The following HS3ST4 variants were observed in gnomAD, a reference collection of about 807,000 sequenced individuals.
HS3ST4 encodes heparan sulfate glucosamine 3-O-sulfotransferase 4.
HS3ST4 carries 17 observed loss-of-function variants against 29.2 expected under a neutral mutation model. The ratio of observed to expected loss-of-function variants is 0.58; its 90% CI spans 0.40 to 0.87. HS3ST4 has a LOEUF of 0.87. HS3ST4 is among the 40% of genes least tolerant of loss of function. HS3ST4 has a pLI of 0.00. For synonymous variants in HS3ST4, 314 were observed against 285.7 expected (o/e 1.10, Z -1.00); for missense variants, 627 against 634.5 (o/e 0.99, Z 0.13).
At chr16:26,021,810 C>G (rs748883424) in intron 1 of HS3ST4, among the ~76,000 whole-genome samples, 1 of 152,002 alleles carries the variant, frequency 6.6e-6, no homozygotes, top group Non-Finnish European at 1.5e-5. Flanking sequence ...ATTGCAGGCA[C>G]GTGCTGCCAC....
chr16:26,092,799 G>A (rs151243495), intron 1 of HS3ST4, among the ~76,000 whole-genome samples: 101 of 152,294 alleles, frequency 6.6e-4, no homozygotes, highest in African/African-American at 2.3e-3. Context: ...TGCCTCACCC[G>A]GGAAGTGCAA....
intron 1 of HS3ST4, among the ~76,000 whole-genome samples, chr16:25,961,544 T>G (rs1160637796): frequency 6.6e-6 from 1 of 152,190 alleles, no homozygotes; most frequent in Non-Finnish European, 1.5e-5. Context: ...ATGAACATAA[T>G]GTGTTTTCTG....
chr16:25,697,331 T>G (rs1457664583), intron 1 of HS3ST4, among the ~76,000 whole-genome samples: 1 of 152,214 alleles, frequency 6.6e-6, no homozygotes, highest in East Asian at 1.9e-4. Flanking sequence ...GGCCCAGAGC[T>G]GTTTTGTCTA....
At chr16:25,777,113 G>A (rs1966848195) in intron 1 of HS3ST4, among the ~76,000 whole-genome samples, 1 of 152,142 alleles carries the variant, frequency 6.6e-6, no homozygotes, top group African/African-American at 2.4e-5. Flanking sequence ...TGTCCACAAT[G>A]CTCCCCTGAA....
chr16:25,782,363 T>C (rs745781664), intron 1 of HS3ST4, among the ~76,000 whole-genome samples: 34 of 152,216 alleles, frequency 2.2e-4, no homozygotes, highest in Non-Finnish European at 3.7e-4. Flanking sequence ...AGTGTTGGTT[T>C]GTTTGACTTC....
At chr16:25,839,047 G>A (rs1967388817) in intron 1 of HS3ST4, among the ~76,000 whole-genome samples, 1 of 152,168 alleles carries the variant, frequency 6.6e-6, no homozygotes, top group South Asian at 2.1e-4. Flanking sequence ...GCCACCTAAA[G>A]ACTGGCTACA....
At chr16:25,710,710 ATTT>A (rs971049756) in intron 1 of HS3ST4, among the ~76,000 whole-genome samples, 9 of 149,180 alleles carry the variant, frequency 6.0e-5, no homozygotes, top group Non-Finnish European at 1.3e-4. Flanking sequence ...TCAGAAACTT[ATTT>A]TATTTCAGAA....
At chr16:25,705,339 C>A (rs1966368257) in intron 1 of HS3ST4, among the ~76,000 whole-genome samples, 1 of 152,100 alleles carries the variant, frequency 6.6e-6, no homozygotes, top group African/African-American at 2.4e-5. Flanking sequence ...TGTCATAGGA[C>A]AGTTTGATTG....
intron 1 of HS3ST4, among the ~76,000 whole-genome samples, chr16:26,108,918 T>C (rs1411836126): frequency 6.6e-6 from 1 of 152,118 alleles, no homozygotes; most frequent in Non-Finnish European, 1.5e-5. Context: ...TGGAGCCTAA[T>C]GGGTCCTGGC....
chr16:25,905,372 G>A (rs893993649), intron 1 of HS3ST4, among the ~76,000 whole-genome samples: 1 of 152,156 alleles, frequency 6.6e-6, no homozygotes, highest in Non-Finnish European at 1.5e-5. Context: ...AACAGGTCAG[G>A]TGTGAAAAGA....
chr16:25,913,328 A>G (rs1337627333), intron 1 of HS3ST4, among the ~76,000 whole-genome samples: 1 of 152,248 alleles, frequency 6.6e-6, no homozygotes, highest in Non-Finnish European at 1.5e-5. Context: ...CAGAGCCCCC[A>G]TGAATGGGAT....
At chr16:25,929,674 G>C (rs181248016) in intron 1 of HS3ST4, among the ~76,000 whole-genome samples, 4 of 152,210 alleles carry the variant, frequency 2.6e-5, no homozygotes, top group African/African-American at 9.6e-5. Context: ...AATCTCAAGG[G>C]CTTCGCACAG....
At chr16:25,786,433 A>T (rs1056134736) in intron 1 of HS3ST4, among the ~76,000 whole-genome samples, 1 of 152,212 alleles carries the variant, frequency 6.6e-6, no homozygotes, top group East Asian at 1.9e-4. Flanking sequence ...CATTTAGGCC[A>T]GTGTTCTGCA....
intron 1 of HS3ST4, among the ~76,000 whole-genome samples, chr16:25,837,571 GCTAT>G (rs1371849858): frequency 2.6e-5 from 4 of 152,108 alleles, no homozygotes; most frequent in South Asian, 2.1e-4. Flanking sequence ...CCTACCTATG[GCTAT>G]CTATTTGATG....
chr16:26,025,270 T>A (rs1366881968), intron 1 of HS3ST4: 1 of 154,556 alleles, frequency 6.5e-6, no homozygotes, highest in Admixed American at 6.5e-5. Flanking sequence ...TTTTTGCCTT[T>A]CAACATAATG....
intron 1 of HS3ST4, among the ~76,000 whole-genome samples, chr16:25,856,748 C>T (rs1029119934): frequency 1.3e-5 from 2 of 152,170 alleles, no homozygotes; most frequent in African/African-American, 4.8e-5. Context: ...GTTGGACAAG[C>T]TTGCTCTATG....
chr16:25,806,820 T>C (rs1434342604), intron 1 of HS3ST4, among the ~76,000 whole-genome samples: 1 of 152,146 alleles, frequency 6.6e-6, no homozygotes, highest in Non-Finnish European at 1.5e-5. Flanking sequence ...CATTTGTGTG[T>C]GTGTTCATAT....
intron 1 of HS3ST4, among the ~76,000 whole-genome samples, chr16:25,907,272 G>A (rs1378904862): frequency 1.3e-5 from 2 of 152,162 alleles, no homozygotes; most frequent in Admixed American, 6.6e-5. Context: ...CATGATGGAA[G>A]AGATGAAAAG....
intron 1 of HS3ST4, among the ~76,000 whole-genome samples, chr16:26,033,016 A>T (rs370494833): frequency 6.6e-6 from 1 of 152,060 alleles, no homozygotes; most frequent in Non-Finnish European, 1.5e-5. Flanking sequence ...CTTTACATCC[A>T]TGGGAGGGTA....
Sources: gnomAD v4.1 joint callset for allele counts (sites outside exome capture counted in the v4.1 genomes callset) on GRCh38, gnomAD v4.1.1 for gene constraint, MANE v1.5 for transcripts, NCBI Gene and HGNC (gene_info 2026-07-23, HGNC 2026-07-21) for gene names.